The following CHN1 variants were observed in gnomAD, a reference collection of about 807,000 sequenced individuals.
CHN1 encodes N-chimaerin.
CHN1 carries 37 observed loss-of-function variants against 59.5 expected under a neutral mutation model. That is an observed-to-expected ratio of 0.62 (90% CI 0.48 to 0.82). CHN1 has a LOEUF of 0.82. Among genes scored for constraint, CHN1 ranks in the 40% least tolerant of loss-of-function variants. The pLI is 0.00. For missense variants in CHN1, 469 were observed against 571.0 expected (o/e 0.82, Z 1.82); for synonymous variants, 206 against 200.4 (o/e 1.03, Z -0.24).
chr2:174,897,622 G>A (rs567893840), intron 5 of CHN1, among the ~76,000 whole-genome samples: 11 of 151,900 alleles, frequency 7.2e-5, no homozygotes, highest in South Asian at 4.2e-4. Context: ...TCATCAGCCC[G>A]TCTAGTAGCT....
chr2:174,891,006 T>C (rs1688026822), intron 5 of CHN1, among the ~76,000 whole-genome samples: 1 of 148,792 alleles, frequency 6.7e-6, no homozygotes, highest in Non-Finnish European at 1.5e-5. Flanking sequence ...CCGGGTGTGG[T>C]AGTGGGCGCC....
rs181292812 is a variant in CHN1 at position 174,891,089 on chromosome 2, C to T, written c.261-12961G>A. On this transcript the variant is annotated intron_variant, in intron 5 of 12. Coordinates refer to ENST00000409900, the MANE Select transcript of CHN1 (RefSeq NM_001822.7). Reference sequence around the variant, plus strand: ...CTGGGAGGCAGAGCTTGCAGTGAGCCGAGATAGTGCCACTGCACTCCAGCT... The same window carrying T: ...CTGGGAGGCAGAGCTTGCAGTGAGCTGAGATAGTGCCACTGCACTCCAGCT... 3.8e-3 allele frequency among the ~76,000 whole-genome samples: 485 copies of T among 127,666 alleles called. 7 individuals are homozygous for T. The Admixed American group carries it at 0.043, about 11-fold the overall frequency. 83.8% of individuals were successfully genotyped at this position (127,666 alleles called of 152,430 possible).
At chr2:174,949,457 G>A (rs1483533096) in intron 2 of CHN1, among the ~76,000 whole-genome samples, 1 of 151,830 alleles carries the variant, frequency 6.6e-6, no homozygotes, top group African/African-American at 2.4e-5. Flanking sequence ...TAGCTGGGAA[G>A]CAGTTCCTCC....
At chr2:174,987,223 C>T (rs373886340) in intron 1 of CHN1, among the ~76,000 whole-genome samples, 2 of 151,892 alleles carry the variant, frequency 1.3e-5, no homozygotes, top group Non-Finnish European at 2.9e-5. Context: ...ACAGACTAGG[C>T]GGGGCAGGGG....
chr2:174,944,832 G>A (rs1689778345), intron 3 of CHN1, 56 bp downstream of exon 3: 4 of 1,288,340 alleles, frequency 3.1e-6, no homozygotes, highest in Admixed American at 2.1e-5. Context: ...GAAGGTGAAA[G>A]TTTGGGAAAC....
intron 7 of CHN1, among the ~76,000 whole-genome samples, chr2:174,830,353 A>T (rs1574065402): frequency 6.6e-6 from 1 of 152,382 alleles, no homozygotes; most frequent in South Asian, 2.1e-4. Flanking sequence ...ATCATTAGCA[A>T]GAAATACATA....
At chr2:174,845,775 T>C (rs1465859972) in intron 7 of CHN1, among the ~76,000 whole-genome samples, 2 of 19,494 alleles carry the variant, frequency 1.0e-4, no homozygotes, top group East Asian at 1.5e-3. Context: ...ATGCAGAGCA[T>C]ATGGGTGGGG....
chr2:174,847,929 C>T (rs1686591907), intron 6 of CHN1, among the ~76,000 whole-genome samples: 1 of 152,140 alleles, frequency 6.6e-6, no homozygotes, highest in South Asian at 2.1e-4. Context: ...TGCAGCACCA[C>T]TGCCAGGTAA....
chr2:174,852,197 G>A (rs1217374968), intron 6 of CHN1, among the ~76,000 whole-genome samples: 1 of 152,100 alleles, frequency 6.6e-6, no homozygotes, highest in Non-Finnish European at 1.5e-5. Context: ...GCTGAGGCAG[G>A]AGAATCACGT....
chr2:174,828,317 T>C (rs1257688693), intron 7 of CHN1, among the ~76,000 whole-genome samples: 1 of 152,184 alleles, frequency 6.6e-6, no homozygotes, highest in African/African-American at 2.4e-5. Flanking sequence ...AATCGTACTA[T>C]ACCAGCCAGT....
At chr2:174,857,538 G>A (rs1686942947) in intron 6 of CHN1, among the ~76,000 whole-genome samples, 2 of 151,890 alleles carry the variant, frequency 1.3e-5, no homozygotes, top group Non-Finnish European at 2.9e-5. Flanking sequence ...AAATATAAAC[G>A]AAATTATATA....
intron 5 of CHN1, among the ~76,000 whole-genome samples, chr2:174,888,235 C>T (rs1558968326): frequency 6.6e-6 from 1 of 152,100 alleles, no homozygotes; most frequent in Non-Finnish European, 1.5e-5. Context: ...GTTATTGGAA[C>T]CCTTGGCAAA....
chr2:174,999,865 C>T (rs1691828784), intron 1 of CHN1, among the ~76,000 whole-genome samples: 1 of 152,080 alleles, frequency 6.6e-6, no homozygotes, highest in African/African-American at 2.4e-5. Flanking sequence ...TCTTTATTGA[C>T]AAATATGTCA....
At chr2:174,897,682 C>T (rs886093360) in intron 5 of CHN1, among the ~76,000 whole-genome samples, 9 of 152,044 alleles carry the variant, frequency 5.9e-5, no homozygotes, top group African/African-American at 2.2e-4. Flanking sequence ...AACAAGCAAA[C>T]TCATAACTTG....
chr2:174,973,141 C>A (rs1490694270), intron 1 of CHN1, among the ~76,000 whole-genome samples: 3 of 152,158 alleles, frequency 2.0e-5, no homozygotes, highest in African/African-American at 7.2e-5. Flanking sequence ...AAAGAGAATG[C>A]TGGATAACAA....
Position 174,878,073 on chromosome 2 carries a change from C to A in CHN1, c.316G>T (p.Gly106Trp). 1 of 1,611,436 alleles carries A rather than the reference C, an allele frequency of 6.2e-7. No individual in the cohort carries two copies. Among genetic ancestry groups the A allele is most frequent in the South Asian group, 1.1e-5 (1 of 90,590 alleles). The change falls in exon 6 of 13, where the codon GGG becomes TGG. Residue 106 changes from glycine to tryptophan, a missense_variant. This residue lies in a region of CHN1 where 152 missense variants were observed against 166.1 expected (regional missense o/e 0.92). Coordinates refer to ENST00000409900, the MANE Select transcript of CHN1 (RefSeq NM_001822.7). ...TGGATGGACTCAAAGCGTTTCTCCC[C>A]AACAAAGTGCTTGCCATCGTAGTAG... ...RLYYDGKHFVGEKRFESIHDL... is the reference protein window; with the variant it reads ...RLYYDGKHFVWEKRFESIHDL...
rs1684831066 is a variant in CHN1 at position 174,804,659 on chromosome 2, G to A, written c.1103-2847C>T. Among the ~76,000 whole-genome samples the A allele has an allele frequency of 2.0e-5, 3 of 152,196 alleles. No homozygotes were observed. The South Asian group carries it at 6.2e-4, about 31-fold the overall frequency. On this transcript the variant is annotated intron_variant, in intron 11 of 12. Coordinates refer to ENST00000409900, the MANE Select transcript of CHN1 (RefSeq NM_001822.7). The stretch of plus-strand genomic sequence containing the variant: ...AGGTTGAGTTCATTGGATTCCTGAT[G>A]AAGGATGCATGAGAAACAGAAGAAT...
intron 3 of CHN1, among the ~76,000 whole-genome samples, chr2:174,938,575 C>A (rs1574188585): frequency 6.6e-6 from 1 of 152,124 alleles, no homozygotes; most frequent in Non-Finnish European, 1.5e-5. Flanking sequence ...AAACATTGAA[C>A]AACCTAGAGA....
chr2:175,000,292 C>T (rs1251463586), intron 1 of CHN1, among the ~76,000 whole-genome samples: 1 of 151,874 alleles, frequency 6.6e-6, no homozygotes, highest in Non-Finnish European at 1.5e-5. Context: ...CAAGCATGTG[C>T]CACCATGCCA....
Sources: allele counts gnomAD v4.1 joint callset (sites outside exome capture counted in the v4.1 genomes callset), GRCh38; gene constraint gnomAD v4.1.1; regional missense constraint gnomAD v4.1.1; transcripts MANE v1.5; gene names NCBI Gene and HGNC (gene_info 2026-07-23, HGNC 2026-07-21).